MAP4: variants seen among roughly 807,000 people sequenced by gnomAD.
MAP4 encodes the protein microtubule-associated protein 4.
MAP4 carries 76 observed loss-of-function variants against 170.2 expected under a neutral mutation model. The ratio of observed to expected loss-of-function variants is 0.45; its 90% CI spans 0.37 to 0.54. The LOEUF (loss-of-function observed/expected upper bound fraction) is 0.54, where lower values mean the gene tolerates loss of function less well. MAP4 is among the 20% of genes least tolerant of loss of function. The pLI, the probability that MAP4 is intolerant of heterozygous loss-of-function variation, is 0.00. For missense variants in MAP4, 2,506 were observed against 2,748.0 expected, an observed-to-expected ratio of 0.91 and a Z score of 1.97; for synonymous variants, 909 against 994.5, an observed-to-expected ratio of 0.91 and a Z score of 1.62.
intron 10 of MAP4, among the ~76,000 whole-genome samples, chr3:47,884,144 T>C (rs979305877): frequency 5.9e-5 from 9 of 152,194 alleles, no homozygotes; most frequent in Non-Finnish European, 5.9e-5. Flanking sequence ...TTTGTTATTG[T>C]CCCATGGGTC....
In MAP4 at chr3:47,917,073, G is replaced by A. The variant is rs747189883; in HGVS notation, c.754C>T (p.Pro252Ser). Residue 252 changes from proline to serine, a missense_variant, in exon 7 of 21, where the codon CCA becomes TCA. This residue lies in a region of MAP4 where 2,008 missense variants were observed against 2,206.0 expected (regional missense o/e 0.91). Transcript: ENST00000683076. ...MMGLKTTDMA[P>S]SKETEMALAK... is the part of the protein sequence containing the mutation. The stretch of plus-strand genomic sequence containing the variant: ...AGGGCCATCTCTGTTTCTTTAGATG[G>A]TGCCATGTCAGTAGTCTTCAGTCCC... The A allele has an allele frequency of 4.3e-6, 7 of 1,614,024 alleles. No homozygotes were observed. In the East Asian group the frequency reaches 1.6e-4, roughly 36 times the overall value.
intron 1 of MAP4, among the ~76,000 whole-genome samples, chr3:48,051,155 G>A (rs190155759): frequency 1.3e-5 from 2 of 151,334 alleles, no homozygotes; most frequent in East Asian, 1.9e-4. Context: ...GCTCATGCCT[G>A]TAATCCCAGC....
rs755081843 is a variant in MAP4 at position 47,853,372 on chromosome 3, G to T, written c.6697-20C>A. ...CTCAGTCTACAATGAAACAGTGGGG[G>T]AGACAGTGCAGGGTCAGTCGAGGGG... On this transcript the variant is annotated intron_variant, in intron 19 of 20. Transcript: ENST00000683076. The T allele has an allele frequency of 1.9e-6, 3 of 1,577,930 alleles. No individual in the cohort carries two copies. Among genetic ancestry groups the T allele is most frequent in the Non-Finnish European group, 2.6e-6 (3 of 1,162,548 alleles).
intron 1 of MAP4, among the ~76,000 whole-genome samples, chr3:48,008,161 G>C (rs2100103427): frequency 6.6e-6 from 1 of 152,140 alleles, no homozygotes; most frequent in Admixed American, 6.5e-5. Context: ...TCGGGCTCAA[G>C]CACGTCCTGA....
At chr3:47,887,103 C>T (rs1408771100) in intron 10 of MAP4, among the ~76,000 whole-genome samples, 3 of 152,260 alleles carry the variant, frequency 2.0e-5, no homozygotes, top group African/African-American at 4.8e-5. Context: ...CCCACTTTGG[C>T]GGCACTTGAG....
chr3:47,987,503 T>C, intron 2 of MAP4: 1 of 1,061,716 alleles, frequency 9.4e-7, no homozygotes, highest in Non-Finnish European at 1.3e-6. Context: ...TCTTAAAGGA[T>C]TTTAGAACAA....
intron 17 of MAP4, among the ~76,000 whole-genome samples, chr3:47,859,098 C>CG (rs2061560757): frequency 6.6e-6 from 1 of 152,040 alleles, no homozygotes; most frequent in South Asian, 2.1e-4. Context: ...CACTGCACTC[C>CG]AGCCTGGGCA....
intron 1 of MAP4, among the ~76,000 whole-genome samples, chr3:48,053,679 G>A (rs1285107848): frequency 2.0e-5 from 3 of 152,038 alleles, no homozygotes; most frequent in Admixed American, 6.6e-5. Context: ...AATGTACGTC[G>A]TTTATTTGTA....
Position 47,909,824 on chromosome 3 carries a change from G to A in MAP4, c.4597C>T (p.Leu1533Phe), listed in dbSNP as rs917213131. 1 of 1,614,016 alleles carries A rather than the reference G, an allele frequency of 6.2e-7. No individual in the cohort carries two copies. Among genetic ancestry groups the A allele is most frequent in the Non-Finnish European group, 8.5e-7 (1 of 1,179,878 alleles). The change falls in exon 9 of 21, where the codon CTT (leucine) becomes TTT (phenylalanine). Residue 1533 changes from leucine to phenylalanine, a missense_variant. By Grantham distance (22) the Leu-to-Phe change is conservative. Transcript: ENST00000683076. ...GDHSLKNKAE[L>F]ADSMKNEAGI... ...GCTTCATTTTTCATGGAATCAGCAA[G>A]CTCAGCTTTATTCTTAAGAGAGTGA...
At chr3:48,019,321 G>A (rs542474417), upstream of MAP4, among the ~76,000 whole-genome samples, 13 of 152,136 alleles carry the variant, frequency 8.5e-5, no homozygotes, top group East Asian at 1.9e-3. Flanking sequence ...CAGTCTGGGC[G>A]AGAAAGTGAG....
intron 4 of MAP4, among the ~76,000 whole-genome samples, chr3:47,922,292 T>C (rs969308649): frequency 6.6e-6 from 1 of 152,152 alleles, no homozygotes; most frequent in African/African-American, 2.4e-5. Context: ...GAGTTGTCAA[T>C]AGTAAGTAAA....
Position 47,911,614 on chromosome 3 carries a change from A to G in MAP4, c.2807T>C (p.Val936Ala), listed in dbSNP as rs2100036004. Reference sequence around the variant, plus strand: ...AAGTCTGATATCCAAAGGGGTTTCTACATTGTATGCAGAAACTTCTGCTAG... The same window carrying G: ...AAGTCTGATATCCAAAGGGGTTTCTGCATTGTATGCAGAAACTTCTGCTAG... Reference protein sequence around the residue: ...GPLAEVSAYNVETPLDIRLKE... With the variant: ...GPLAEVSAYNAETPLDIRLKE... Residue 936 changes from valine (V) to alanine (A), a missense_variant, in exon 9 of 21, where the codon GTA becomes GCA. By Grantham distance (64) the Val-to-Ala change is moderately conservative. Transcript: ENST00000683076. The surrounding 1 kb of genome is among the most constrained non-coding windows in gnomAD (Gnocchi z 4.0). 3 of 1,536,018 alleles carry G rather than the reference A, an allele frequency of 2.0e-6. No homozygotes were observed. In the East Asian group the frequency reaches 7.3e-5, roughly 38 times the overall value.
chr3:48,080,388 T>C (rs986513750), intron 1 of MAP4, among the ~76,000 whole-genome samples: 4 of 152,226 alleles, frequency 2.6e-5, no homozygotes, highest in Non-Finnish European at 4.4e-5. Context: ...AGAAAAAGAA[T>C]TGTTTTTGCT....
intron 9 of MAP4, among the ~76,000 whole-genome samples, chr3:47,906,805 A>C (rs2153451120): frequency 6.6e-6 from 1 of 151,772 alleles, no homozygotes; most frequent in Non-Finnish European, 1.5e-5. Flanking sequence ...TAAAAAAAAA[A>C]ACAAAAAAAA....
intron 3 of MAP4, among the ~76,000 whole-genome samples, chr3:47,964,937 C>G (rs2100073941): frequency 6.6e-6 from 1 of 152,102 alleles, no homozygotes; most frequent in Admixed American, 6.6e-5. Context: ...CAATCATCAC[C>G]ACCATCCATC....
chr3:47,987,276 T>C, intron 2 of MAP4: 2 of 743,086 alleles, frequency 2.7e-6, no homozygotes, highest in Non-Finnish European at 4.0e-6. Context: ...CAAAATATTA[T>C]TCCTGTGCTA....
chr3:47,907,604 C>T (rs2100033840), intron 9 of MAP4, among the ~76,000 whole-genome samples: 1 of 152,172 alleles, frequency 6.6e-6, no homozygotes, highest in Non-Finnish European at 1.5e-5. Context: ...TTCTGCAGTA[C>T]TGGTCTTGCT....
rs1160391321 is a variant in MAP4, at chr3:47,911,718, G to T, written c.2703C>A (p.Tyr901Ter). 2 of 1,536,130 alleles carry T rather than the reference G, an allele frequency of 1.3e-6. No individual in the cohort carries two copies. The highest frequency in any genetic ancestry group is 2.4e-5 in the South Asian group (2 of 84,060). ...QDKKLLKQHEYKPQPAPHLKT... is the reference protein window; with the variant it reads ...QDKKLLKQHE ...TCAGGTGGGGTGCAGGCTGTGGTTT[G>T]TATTCATGTTGCTTCAGCAATTTCT... The change falls in exon 9 of 21, where the codon TAC becomes TAA. Residue 901 changes from tyrosine to a stop codon, truncating the protein, a stop_gained. Transcript: ENST00000683076. LOFTEE classifies it high-confidence loss of function. This position sits in a 1 kb window ranked among gnomAD's most constrained non-coding sequence, Gnocchi z 4.0.
intron 3 of MAP4, among the ~76,000 whole-genome samples, chr3:47,958,657 C>T (rs2100069348): frequency 6.7e-6 from 1 of 150,090 alleles, no homozygotes; most frequent in Admixed American, 6.6e-5. Context: ...GCTGGGATTC[C>T]AGGGGTGTGC....
Sources: gnomAD v4.1 joint callset for allele counts (sites outside exome capture counted in the v4.1 genomes callset) on GRCh38, gnomAD v4.1.1 for gene constraint, gnomAD v4.1.1 regional missense constraint, Gnocchi (gnomAD v3.1) non-coding constraint, MANE v1.5 for transcripts, NCBI Gene and HGNC (gene_info 2026-07-23, HGNC 2026-07-21) for gene names.